SGF29: variants seen among roughly 807,000 people sequenced by gnomAD.
The protein encoded by SGF29 is SAGA-associated factor 29.
Under a neutral mutation model 38.1 loss-of-function variants are expected in SGF29, and 15 were observed. The observed-to-expected ratio is 0.39, with a 90% confidence interval of 0.26 to 0.61. The LOEUF is 0.61. Among genes scored for constraint, SGF29 ranks in the 20% least tolerant of loss-of-function variants. The pLI is 0.49. For missense variants in SGF29, 184 were observed against 394.6 expected (o/e 0.47, Z 4.52); for synonymous variants, 151 against 160.8 (o/e 0.94, Z 0.46).
chr16:28,565,664 A>G (rs556441865), intron 1 of SGF29, among the ~76,000 whole-genome samples: 2 of 151,838 alleles, frequency 1.3e-5, no homozygotes, highest in South Asian at 4.2e-4. Flanking sequence ...CACCTGGCTA[A>G]TTTTTGTATT....
At chr16:28,554,577 G>A (rs1175862886) in intron 1 of SGF29, among the ~76,000 whole-genome samples, 1 of 152,140 alleles carries the variant, frequency 6.6e-6, no homozygotes, top group African/African-American at 2.4e-5. Flanking sequence ...CCCAAAGTGT[G>A]GGGAGTATAG....
At chr16:28,555,241 A>G (rs966293901) in intron 1 of SGF29, among the ~76,000 whole-genome samples, 8 of 152,068 alleles carry the variant, frequency 5.3e-5, no homozygotes, top group Admixed American at 1.3e-4. Flanking sequence ...AGGTGGGCAG[A>G]CTGCCTGAGC....
intron 1 of SGF29, among the ~76,000 whole-genome samples, chr16:28,554,370 C>G (rs560173879): frequency 6.6e-6 from 1 of 152,090 alleles, no homozygotes; most frequent in Non-Finnish European, 1.5e-5. Flanking sequence ...AACAGCGACA[C>G]GCTGGGCTCG....
chr16:28,558,968 AGTG>A (rs1472639342), intron 1 of SGF29, among the ~76,000 whole-genome samples: 1 of 152,224 alleles, frequency 6.6e-6, no homozygotes. Context: ...AAAATTAGAT[AGTG>A]GTGATATTTG....
chr16:28,564,524 T>G (rs2046809501), intron 1 of SGF29, among the ~76,000 whole-genome samples: 1 of 115,540 alleles, frequency 8.7e-6, no homozygotes, highest in Non-Finnish European at 1.9e-5. Context: ...TATATATGTG[T>G]GTGTATATAT....
At chr16:28,580,997 C>T (rs1476102510) in intron 1 of SGF29, 58 bp from the exon 2 acceptor site, 2 of 1,272,028 alleles carry the variant, frequency 1.6e-6, no homozygotes, top group Non-Finnish European at 2.3e-6. Context: ...TGAGGGGGCA[C>T]AGTTCAGCCC....
At chr16:28,588,590 G>GT in intron 4 of SGF29, 1 of 428,892 alleles carries the variant, frequency 2.3e-6, no homozygotes, top group Non-Finnish European at 4.6e-6. Flanking sequence ...TTGAAATGGA[G>GT]TTTCGTTCTT....
Position 28,580,812 on chromosome 16 carries a change from G to A in SGF29, c.-15-243G>A, listed in dbSNP as rs916432817. Among the ~76,000 whole-genome samples the A allele has an allele frequency of 2.6e-5, 4 of 152,306 alleles. No individual in the cohort carries two copies. The South Asian group carries it at 8.3e-4, about 32-fold the overall frequency. ...TCCACTCACCTTAGCTTCTCGAATA[G>A]CTGGGACTACAGATGTGTGCCACTA... On this transcript the variant is annotated intron_variant, in intron 1 of 9. Coordinates refer to ENST00000317058, the MANE Select transcript of SGF29 (RefSeq NM_138414.3).
chr16:28,558,497 A>G (rs1007179352), intron 1 of SGF29, among the ~76,000 whole-genome samples: 3 of 152,028 alleles, frequency 2.0e-5, no homozygotes, highest in Non-Finnish European at 2.9e-5. Context: ...GGGCTCAAGC[A>G]ATCCTCTGTA....
chr16:28,568,776 G>A (rs1422013013), intron 1 of SGF29, among the ~76,000 whole-genome samples: 1 of 152,132 alleles, frequency 6.6e-6, no homozygotes, highest in Non-Finnish European at 1.5e-5. Context: ...AGCGGGGCAT[G>A]GTGGTTTGTG....
chr16:28,577,590 T>C (rs1219216310), intron 1 of SGF29, among the ~76,000 whole-genome samples: 7 of 152,260 alleles, frequency 4.6e-5, no homozygotes, highest in Non-Finnish European at 1.0e-4. Flanking sequence ...AATATTCCAC[T>C]GTATGGATAA....
In SGF29 at chr16:28,590,240, T is replaced by G; in HGVS notation, c.419+15T>G. 6.2e-7 allele frequency: 1 copy of G among 1,610,186 alleles called. No homozygotes were observed. The highest frequency in any genetic ancestry group is 8.5e-7 in the Non-Finnish European group (1 of 1,178,526). The stretch of plus-strand genomic sequence containing the variant: ...CCTGGTGACAAGTGAGGGCAGCAGC[T>G]GCGAGGGAGGGGCTGGTGCCCAGGG... On this transcript the variant is annotated intron_variant, in intron 6 of 9. Coordinates refer to ENST00000317058, the MANE Select transcript of SGF29 (RefSeq NM_138414.3). The surrounding 1 kb of genome is among the most constrained non-coding windows in gnomAD (Gnocchi z 8.2).
At chr16:28,585,091 T>G in intron 3 of SGF29, 103 bp downstream of exon 3, 2 of 856,724 alleles carry the variant, frequency 2.3e-6, no homozygotes, top group Non-Finnish European at 3.7e-6. Context: ...TAGATTTGCA[T>G]GTATCTGCAT....
intron 1 of SGF29, among the ~76,000 whole-genome samples, chr16:28,562,903 C>CAAAAA (rs753973229): frequency 1.2e-4 from 6 of 50,896 alleles, no homozygotes; most frequent in South Asian, 1.1e-3. Context: ...GACCCTGTCT[C>CAAAAA]AAAAAAAAAA....
chr16:28,577,507 C>A lies in SGF29; in HGVS notation c.-15-3548C>A, dbSNP rs570691295. Among the ~76,000 whole-genome samples, 3 of 152,352 alleles carry A rather than the reference C, an allele frequency of 2.0e-5. No homozygotes were observed. The South Asian group carries it at 6.2e-4, about 32-fold the overall frequency. Reference sequence around the variant, plus strand: ...TCTTCTGTGATTGCAGCTTCTTTCACTTAGCATAATGTTTTCAAGGTTCAT... The same window carrying A: ...TCTTCTGTGATTGCAGCTTCTTTCAATTAGCATAATGTTTTCAAGGTTCAT... On this transcript the variant is annotated intron_variant, in intron 1 of 9. Coordinates refer to ENST00000317058, the MANE Select transcript of SGF29 (RefSeq NM_138414.3).
intron 4 of SGF29, chr16:28,588,641 T>C: frequency 4.6e-6 from 2 of 430,664 alleles, no homozygotes; most frequent in Non-Finnish European, 9.2e-6. Context: ...CTCGGTTCAC[T>C]GCAACCTCTG....
At chr16:28,554,416 C>CGGGTCACGAAGATGCGGACAGAGGAT (rs2046733458) in intron 1 of SGF29, among the ~76,000 whole-genome samples, 1 of 152,156 alleles carries the variant, frequency 6.6e-6, no homozygotes, top group Non-Finnish European at 1.5e-5. Context: ...TACTCGGACC[C>CGGGTCACGAAGATGCGGACAGAGGAT]GGGTCACGAA....
At chr16:28,564,567 GTATATATATACACGTATATATA>G in intron 1 of SGF29, among the ~76,000 whole-genome samples, 1 of 117,626 alleles carries the variant, frequency 8.5e-6, no homozygotes, top group East Asian at 2.3e-4. Context: ...ATATATATAC[GTATATATATACACGTATATATA>G]TACACACATA....
chr16:28,563,715 CTTTTTTTTT>C (rs11445174), intron 1 of SGF29, among the ~76,000 whole-genome samples: 1 of 80,824 alleles, frequency 1.2e-5, no homozygotes, highest in Non-Finnish European at 2.4e-5. Context: ...GAGAAACAGA[CTTTTTTTTT>C]TTTTTTTTTT....
Sources: gnomAD v4.1 joint callset for allele counts (sites outside exome capture counted in the v4.1 genomes callset) on GRCh38, gnomAD v4.1.1 for gene constraint, Gnocchi (gnomAD v3.1) non-coding constraint, MANE v1.5 for transcripts, NCBI Gene and HGNC (gene_info 2026-07-23, HGNC 2026-07-21) for gene names.